MYO1D: variants seen among roughly 807,000 people sequenced by gnomAD.
MYO1D encodes the protein unconventional myosin-Id.
Under a neutral mutation model 122.0 loss-of-function variants are expected in MYO1D, and 83 were observed. The ratio of observed to expected loss-of-function variants is 0.68; its 90% CI spans 0.57 to 0.82. The LOEUF (loss-of-function observed/expected upper bound fraction) is 0.82. MYO1D is among the 40% of genes least tolerant of loss of function. The pLI, the probability that MYO1D is intolerant of heterozygous loss-of-function variation, is 0.00. For synonymous variants in MYO1D, 464 were observed against 446.9 expected (o/e 1.04, Z -0.48); for missense variants, 1,157 against 1,269.5 (o/e 0.91, Z 1.35).
intron 19 of MYO1D, among the ~76,000 whole-genome samples, chr17:32,646,834 A>G (rs2088301682): frequency 6.6e-6 from 1 of 152,220 alleles, no homozygotes; most frequent in South Asian, 2.1e-4. Flanking sequence ...GTAACAAAGT[A>G]AAAGCCTCAG....
intron 21 of MYO1D, chr17:32,519,223 G>A (rs945596553): frequency 6.6e-6 from 1 of 152,472 alleles, no homozygotes; most frequent in Non-Finnish European, 1.5e-5. Flanking sequence ...TTCCTGTGCG[G>A]CGCTTCAGCC....
intron 19 of MYO1D, among the ~76,000 whole-genome samples, chr17:32,644,952 A>G (rs952765053): frequency 6.6e-6 from 1 of 152,198 alleles, no homozygotes; most frequent in Non-Finnish European, 1.5e-5. Flanking sequence ...TAATCCTGTC[A>G]TTATGATGTT....
chr17:32,654,692 T>C, intron 17 of MYO1D, 71 bp from the exon 18 acceptor site: 2 of 1,412,894 alleles, frequency 1.4e-6, no homozygotes, highest in Non-Finnish European at 1.9e-6. Flanking sequence ...CTCTTTTTTT[T>C]TTTCTTTTTT....
At chr17:32,637,388 G>C (rs2088116935) in intron 20 of MYO1D, among the ~76,000 whole-genome samples, 1 of 152,104 alleles carries the variant, frequency 6.6e-6, no homozygotes, top group Non-Finnish European at 1.5e-5. Flanking sequence ...GAGTGTTTTA[G>C]GGCTGGGTGT....
intron 15 of MYO1D, among the ~76,000 whole-genome samples, chr17:32,712,455 T>C (rs2089390560): frequency 6.6e-6 from 1 of 152,174 alleles, no homozygotes; most frequent in Non-Finnish European, 1.5e-5. Flanking sequence ...ACGGCAAATA[T>C]TGTTCATAAA....
At chr17:32,510,058 C>T (rs1909635891) in intron 21 of MYO1D, 1 of 152,220 alleles carries the variant, frequency 6.6e-6, no homozygotes, top group African/African-American at 2.4e-5. Flanking sequence ...TTATGGGGCA[C>T]TGTCATTCTG....
At chr17:32,554,174 C>A (rs966309524) in intron 21 of MYO1D, among the ~76,000 whole-genome samples, 2 of 152,122 alleles carry the variant, frequency 1.3e-5, no homozygotes, top group Non-Finnish European at 2.9e-5. Context: ...GGATTCTCAA[C>A]TGAGCTGAGA....
At chr17:32,687,195 A>AT (rs371967017) in intron 16 of MYO1D, among the ~76,000 whole-genome samples, 68 of 131,910 alleles carry the variant, frequency 5.2e-4, no homozygotes, top group East Asian at 6.7e-4. Flanking sequence ...TGCCTGGCTA[A>AT]TTTTTTTTTT....
chr17:32,876,613 A>T, intron 1 of MYO1D, 165 bp downstream of exon 1: 1 of 519,300 alleles, frequency 1.9e-6, no homozygotes, highest in Non-Finnish European at 3.2e-6. Context: ...CTCTCGGGAA[A>T]GCGCAGCCGC....
intron 14 of MYO1D, among the ~76,000 whole-genome samples, chr17:32,733,567 C>T (rs994567228): frequency 2.0e-5 from 3 of 152,136 alleles, no homozygotes; most frequent in Non-Finnish European, 4.4e-5. Context: ...CTACATGTAG[C>T]CCTTTAAAGA....
intron 16 of MYO1D, among the ~76,000 whole-genome samples, chr17:32,693,004 C>A (rs776001176): frequency 6.6e-6 from 1 of 152,152 alleles, no homozygotes; most frequent in Non-Finnish European, 1.5e-5. Flanking sequence ...CTTGGCTGTG[C>A]GCATCTTCAG....
At chr17:32,758,445 G>T (rs951427332) in intron 10 of MYO1D, among the ~76,000 whole-genome samples, 1 of 152,054 alleles carries the variant, frequency 6.6e-6, no homozygotes, top group Non-Finnish European at 1.5e-5. Context: ...AATGTTTTAG[G>T]TATGATAATG....
At chr17:32,698,382 C>T (rs2089202633) in intron 16 of MYO1D, among the ~76,000 whole-genome samples, 1 of 137,042 alleles carries the variant, frequency 7.3e-6, no homozygotes, top group South Asian at 2.4e-4. Context: ...CCCTTCCCTC[C>T]TTCCTTCTTT....
intron 1 of MYO1D, among the ~76,000 whole-genome samples, chr17:32,818,253 T>A (rs959641591): frequency 1.3e-5 from 2 of 151,994 alleles, no homozygotes; most frequent in African/African-American, 4.8e-5. Context: ...CTGCAAATAG[T>A]CTGTAAACAA....
At chr17:32,789,017 T>TG (rs1480083135) in intron 1 of MYO1D, among the ~76,000 whole-genome samples, 1 of 151,956 alleles carries the variant, frequency 6.6e-6, no homozygotes, top group Non-Finnish European at 1.5e-5. Flanking sequence ...TGTTTTGTTT[T>TG]TTTAGCTGTT....
At chr17:32,850,882 C>T (rs1030077006) in intron 1 of MYO1D, among the ~76,000 whole-genome samples, 4 of 151,984 alleles carry the variant, frequency 2.6e-5, no homozygotes, top group African/African-American at 7.3e-5. Flanking sequence ...GAGAATAAAC[C>T]TCCCTGTACC....
chr17:32,691,327 T>C (rs1298085624), intron 16 of MYO1D, among the ~76,000 whole-genome samples: 2 of 151,980 alleles, frequency 1.3e-5, no homozygotes, highest in Non-Finnish European at 2.9e-5. Context: ...CCAATCGCTC[T>C]TCATCTCCAC....
At chr17:32,613,190 T>C (rs2150920229) in intron 20 of MYO1D, among the ~76,000 whole-genome samples, 1 of 152,318 alleles carries the variant, frequency 6.6e-6, no homozygotes, top group Non-Finnish European at 1.5e-5. Context: ...AAAATACTCT[T>C]CTAGTTCTTA....
intron 16 of MYO1D, among the ~76,000 whole-genome samples, chr17:32,672,496 G>GT (rs2088736137): frequency 6.6e-6 from 1 of 151,762 alleles, no homozygotes; most frequent in Admixed American, 6.6e-5. Flanking sequence ...TCGTTTGTTT[G>GT]TTTTTTTGAG....
Sources: gnomAD v4.1 joint callset for allele counts (sites outside exome capture counted in the v4.1 genomes callset) on GRCh38, gnomAD v4.1.1 for gene constraint, MANE v1.5 for transcripts, NCBI Gene and HGNC (gene_info 2026-07-23, HGNC 2026-07-21) for gene names.